The following ERC1 variants were observed in gnomAD, a reference collection of about 807,000 sequenced individuals.
ERC1 encodes the protein ELKS/RAB6-interacting/CAST family member 1.
A neutral mutation model predicts 132.0 loss-of-function variants in ERC1; 56 were observed. That is an observed-to-expected ratio of 0.42 (90% CI 0.34 to 0.53). ERC1 has a LOEUF of 0.53. Ranked by LOEUF, ERC1 falls within the 20% of genes least tolerant of loss-of-function variation. ERC1 has a pLI of 0.03. For synonymous variants in ERC1, 478 were observed against 476.1 expected, an observed-to-expected ratio of 1.00 and a Z score of -0.05; for missense variants, 1,202 against 1,349.9, an observed-to-expected ratio of 0.89 and a Z score of 1.72.
chr12:1,263,254 T>C, intron 14 of ERC1, 89 bp downstream of exon 14: 3 of 1,329,948 alleles, frequency 2.3e-6, no homozygotes, highest in Non-Finnish European at 3.2e-6. Flanking sequence ...CTATACATAT[T>C]GTATGTTTAT....
intron 16 of ERC1, among the ~76,000 whole-genome samples, chr12:1,385,086 C>A (rs976253349): frequency 3.9e-5 from 6 of 152,088 alleles, no homozygotes; most frequent in African/African-American, 1.5e-4. Flanking sequence ...TCCTGAGACC[C>A]AGGTTATAAA....
chr12:1,446,675 T>G lies in ERC1; in HGVS notation c.3213+1925T>G, dbSNP rs550121561. 3.3e-5 allele frequency among the ~76,000 whole-genome samples: 5 copies of G among 152,328 alleles called. No homozygotes were observed. The East Asian group carries it at 9.6e-4, about 29-fold the overall frequency. On this transcript the variant is annotated intron_variant, in intron 18 of 18. Transcript: ENST00000360905. The stretch of plus-strand genomic sequence containing the variant: ...TCAAGAAATGCAAACTGGTGAGCCT[T>G]AGAGCTGTACTTACTTTCCCGTGAT...
intron 12 of ERC1, among the ~76,000 whole-genome samples, chr12:1,208,883 C>T (rs184285855): frequency 4.6e-5 from 7 of 150,750 alleles, no homozygotes; most frequent in Non-Finnish European, 8.8e-5. Context: ...CTCCGCCTCT[C>T]GGGTTCAAGT....
chr12:1,400,042 C>G (rs1039166526), intron 16 of ERC1, among the ~76,000 whole-genome samples: 4 of 147,292 alleles, frequency 2.7e-5, no homozygotes, highest in Admixed American at 2.6e-4. Context: ...CTCACCAACA[C>G]TTGTTATTGA....
intron 1 of ERC1, among the ~76,000 whole-genome samples, chr12:1,004,930 G>T (rs925280971): frequency 1.3e-5 from 2 of 151,558 alleles, no homozygotes; most frequent in Non-Finnish European, 2.9e-5. Context: ...AAGAAAGACC[G>T]TATTTAACTT....
intron 3 of ERC1, among the ~76,000 whole-genome samples, chr12:1,097,192 TTC>T (rs1944145497): frequency 6.6e-6 from 1 of 152,242 alleles, no homozygotes; most frequent in African/African-American, 2.4e-5. Context: ...GTGGAATGAC[TTC>T]TCTCCTGGTT....
chr12:1,277,893 G>A (rs927762913), intron 14 of ERC1, among the ~76,000 whole-genome samples: 1 of 152,288 alleles, frequency 6.6e-6, no homozygotes, highest in South Asian at 2.1e-4. Context: ...GACAGTTCAC[G>A]ATCATCTTCT....
intron 15 of ERC1, among the ~76,000 whole-genome samples, chr12:1,309,955 TG>T (rs1566553244): frequency 1.9e-4 from 28 of 150,440 alleles, no homozygotes; most frequent in African/African-American, 4.9e-4. Context: ...TGTTTTGTTT[TG>T]TTTTGTTTTG....
At chr12:1,253,681 A>G (rs749747784) in intron 13 of ERC1, among the ~76,000 whole-genome samples, 9 of 151,428 alleles carry the variant, frequency 5.9e-5, no homozygotes, top group Non-Finnish European at 1.3e-4. Context: ...CATCTCAAAG[A>G]AAAAAAAAGG....
At chr12:1,466,663 GTC>G (rs2093749597) in intron 18 of ERC1, among the ~76,000 whole-genome samples, 1 of 152,186 alleles carries the variant, frequency 6.6e-6, no homozygotes. Context: ...AATCTGTTAT[GTC>G]CAGTAATTAC....
At chr12:1,181,335 A>T (rs1251339324) in intron 9 of ERC1, among the ~76,000 whole-genome samples, 1 of 152,162 alleles carries the variant, frequency 6.6e-6, no homozygotes, top group Non-Finnish European at 1.5e-5. Flanking sequence ...CTTAGGGTGT[A>T]TATATAAGCT....
At chr12:1,291,608 C>T (rs2079456520) in intron 15 of ERC1, among the ~76,000 whole-genome samples, 1 of 152,154 alleles carries the variant, frequency 6.6e-6, no homozygotes, top group South Asian at 2.1e-4. Flanking sequence ...AGTCTTCCCT[C>T]AGGAAAAGGT....
At chr12:1,058,743 T>C (rs571880249) in intron 2 of ERC1, among the ~76,000 whole-genome samples, 1 of 152,214 alleles carries the variant, frequency 6.6e-6, no homozygotes, top group African/African-American at 2.4e-5. Context: ...ATCATTGATA[T>C]TTTGATATGG....
intron 8 of ERC1, among the ~76,000 whole-genome samples, chr12:1,142,628 T>G (rs1313664927): frequency 6.6e-6 from 1 of 152,212 alleles, no homozygotes; most frequent in Non-Finnish European, 1.5e-5. Flanking sequence ...TCCCACATAC[T>G]TGTCTGCAGA....
intron 14 of ERC1, among the ~76,000 whole-genome samples, chr12:1,283,837 G>A (rs913975061): frequency 1.3e-5 from 2 of 152,136 alleles, no homozygotes; most frequent in African/African-American, 2.4e-5. Context: ...TGATATATGT[G>A]TACAATGTGT....
At chr12:1,175,084 T>C (rs939952050) in intron 8 of ERC1, among the ~76,000 whole-genome samples, 2 of 152,262 alleles carry the variant, frequency 1.3e-5, no homozygotes, top group Admixed American at 6.5e-5. Context: ...AAAAATACTT[T>C]ATTGCAAAAT....
chr12:1,339,364 T>G (rs547340628), intron 15 of ERC1, among the ~76,000 whole-genome samples: 25 of 136,712 alleles, frequency 1.8e-4, no homozygotes, highest in African/African-American at 6.8e-4. Flanking sequence ...CCCGCCCCCA[T>G]GTAGGCATTC....
intron 2 of ERC1, among the ~76,000 whole-genome samples, chr12:1,048,417 A>AT (rs151201624): frequency 6.6e-6 from 1 of 151,904 alleles, no homozygotes; most frequent in East Asian, 1.9e-4. Flanking sequence ...TCCACTGCTG[A>AT]TTTTTTTCAA....
intron 16 of ERC1, among the ~76,000 whole-genome samples, chr12:1,391,785 G>A (rs1344175953): frequency 6.6e-6 from 1 of 152,178 alleles, no homozygotes; most frequent in Non-Finnish European, 1.5e-5. Context: ...CCTTTCCTTT[G>A]GAGGCTTCTT....
Sources: gnomAD v4.1 joint callset for allele counts (sites outside exome capture counted in the v4.1 genomes callset) on GRCh38, gnomAD v4.1.1 for gene constraint, MANE v1.5 for transcripts, NCBI Gene and HGNC (gene_info 2026-07-23, HGNC 2026-07-21) for gene names.